Variants in ATP8A2 observed in about 807,000 individuals in gnomAD.
The protein encoded by ATP8A2 is ATPase phospholipid transporting 8A2, also known as phospholipid-transporting ATPase IB.
In ATP8A2, 100 loss-of-function variants were observed where a neutral mutation model predicts 165.6. The ratio of observed to expected loss-of-function variants is 0.60; its 90% CI spans 0.51 to 0.71. ATP8A2 has a LOEUF of 0.71. ATP8A2 is among the 30% of genes least tolerant of loss of function. ATP8A2 has a pLI of 0.00. For synonymous variants in ATP8A2, 543 were observed against 548.8 expected (o/e 0.99, Z 0.15); for missense variants, 1,227 against 1,479.5 (o/e 0.83, Z 2.80).
intron 3 of ATP8A2, among the ~76,000 whole-genome samples, 171 bp from the exon 4 acceptor site, chr13:25,530,391 T>A (rs890961181): frequency 9.9e-5 from 15 of 152,208 alleles, no homozygotes; most frequent in African/African-American, 2.9e-4. Context: ...ATAAAATTTT[T>A]AAAAATATGT....
At chr13:25,983,194 T>A (rs1341596747) in intron 35 of ATP8A2, among the ~76,000 whole-genome samples, 1 of 152,244 alleles carries the variant, frequency 6.6e-6, no homozygotes, top group Non-Finnish European at 1.5e-5. Context: ...TTCATGATAG[T>A]GTCCACAGAA....
intron 33 of ATP8A2, among the ~76,000 whole-genome samples, chr13:25,930,251 T>C (rs1954733025): frequency 6.6e-6 from 1 of 152,188 alleles, no homozygotes; most frequent in South Asian, 2.1e-4. Context: ...CTTCTCTCTT[T>C]CAAACCCTTT....
chr13:25,938,961 G>A (rs1954991252), intron 33 of ATP8A2, among the ~76,000 whole-genome samples: 1 of 151,842 alleles, frequency 6.6e-6, no homozygotes, highest in Non-Finnish European at 1.5e-5. Flanking sequence ...TCTTGCCTCA[G>A]CCTCCCTAGT....
intron 27 of ATP8A2, among the ~76,000 whole-genome samples, chr13:25,795,782 A>G (rs1189042718): frequency 2.0e-5 from 3 of 152,210 alleles, no homozygotes; most frequent in Non-Finnish European, 4.4e-5. Context: ...AAAATTAATT[A>G]AGAATACTCT....
At chr13:25,465,687 CTTT>C in intron 1 of ATP8A2, among the ~76,000 whole-genome samples, 1 of 14,606 alleles carries the variant, frequency 6.8e-5, no homozygotes, top group African/African-American at 1.8e-4. Flanking sequence ...TTCTTTCTTT[CTTT>C]CTTTCTTTCT....
intron 33 of ATP8A2, among the ~76,000 whole-genome samples, chr13:25,941,663 G>A (rs1482014355): frequency 6.6e-6 from 1 of 152,144 alleles, no homozygotes; most frequent in African/African-American, 2.4e-5. Context: ...CCTGGCAGCA[G>A]CACACACTGA....
At chr13:25,447,157 A>G (rs1210874120) in intron 1 of ATP8A2, among the ~76,000 whole-genome samples, 1 of 152,226 alleles carries the variant, frequency 6.6e-6, no homozygotes, top group Admixed American at 6.5e-5. Flanking sequence ...TTTCCTTCTC[A>G]GTAAAATAGC....
intron 1 of ATP8A2, among the ~76,000 whole-genome samples, chr13:25,392,016 G>A (rs958456485): frequency 1.3e-5 from 2 of 152,200 alleles, no homozygotes; most frequent in Admixed American, 6.5e-5. Context: ...CCAATTTGTC[G>A]CTGGGTCTGC....
chr13:25,451,007 T>C lies in ATP8A2; in HGVS notation c.77-17970T>C, dbSNP rs954120878. 5.3e-5 allele frequency among the ~76,000 whole-genome samples: 8 copies of C among 152,254 alleles called. 1 individual carries two copies. The highest frequency in any genetic ancestry group is 3.4e-3 in the Middle Eastern group (1 of 294). On this transcript the variant is annotated intron_variant, in intron 1 of 36. Transcript: ENST00000381655. ...TTATGGTTTTCAGCAAATTTGGAAA[T>C]ATTTTTCCACATTGCTTCTTCAGAT...
chr13:25,884,764 G>C (rs74039583), intron 33 of ATP8A2, among the ~76,000 whole-genome samples: 10,353 of 152,268 alleles, frequency 0.068, 889 homozygotes, highest in African/African-American at 0.19. Flanking sequence ...GAGAGCACCT[G>C]GGTGAACAGA....
intron 33 of ATP8A2, among the ~76,000 whole-genome samples, chr13:25,960,068 A>G (rs1955623568): frequency 1.3e-5 from 2 of 152,264 alleles, no homozygotes; most frequent in South Asian, 4.1e-4. Flanking sequence ...GCCAAGCACC[A>G]CCAACAGGGC....
At chr13:25,854,953 A>G (rs1952115381) in intron 30 of ATP8A2, among the ~76,000 whole-genome samples, 5 of 152,180 alleles carry the variant, frequency 3.3e-5, no homozygotes, top group Admixed American at 3.3e-4. Flanking sequence ...CCCTATATTC[A>G]TTAAGAATCA....
intron 33 of ATP8A2, among the ~76,000 whole-genome samples, chr13:25,921,332 T>C (rs1442786729): frequency 2.0e-5 from 3 of 151,856 alleles, no homozygotes; most frequent in Non-Finnish European, 4.4e-5. Context: ...AAAAACTGAG[T>C]TGAGGCCAGG....
rs377634945 is a variant in ATP8A2 at position 25,379,417 on chromosome 13, G to C, written c.76+7129G>C. On this transcript the variant is annotated intron_variant, in intron 1 of 36. Coordinates refer to ENST00000381655, the MANE Select transcript of ATP8A2 (RefSeq NM_016529.6). ...CCAGATATTTAGTTCAAAGACAGTT[G>C]CTTTTTTCACGGTCATGATATGTTA... 2.6e-5 allele frequency among the ~76,000 whole-genome samples: 4 copies of C among 152,290 alleles called. No individual in the cohort carries two copies. The South Asian group carries it at 8.3e-4, about 32-fold the overall frequency.
rs544798583 is a variant in ATP8A2, at chr13:25,810,532, A to C, written c.2680-17586A>C. ...TCTGTCTTTTTTTTTTAAGGAAAAAAAAAACAAAACACTACTCTATCTCCA... is the reference window on the plus strand; with the variant it reads ...TCTGTCTTTTTTTTTTAAGGAAAAACAAAACAAAACACTACTCTATCTCCA... On this transcript the variant is annotated intron_variant, in intron 27 of 36. Coordinates refer to ENST00000381655, the MANE Select transcript of ATP8A2 (RefSeq NM_016529.6). Among the ~76,000 whole-genome samples, 14 of 152,108 alleles carry C rather than the reference A, an allele frequency of 9.2e-5. 1 individual carries two copies. The South Asian group carries it at 2.1e-3, about 23-fold the overall frequency.
At chr13:25,604,948 G>A (rs980620907) in intron 24 of ATP8A2, among the ~76,000 whole-genome samples, 2 of 152,192 alleles carry the variant, frequency 1.3e-5, no homozygotes, top group African/African-American at 2.4e-5. Context: ...ATCTGTCAGG[G>A]AGCCTGACAA....
At chr13:25,731,628 C>T (rs1197695560) in intron 25 of ATP8A2, among the ~76,000 whole-genome samples, 1 of 152,066 alleles carries the variant, frequency 6.6e-6, no homozygotes, top group Non-Finnish European at 1.5e-5. Flanking sequence ...TAGGCCTCAC[C>T]CCATTGGTAA....
chr13:25,562,094 A>G (rs2039174336), intron 15 of ATP8A2, among the ~76,000 whole-genome samples: 1 of 152,164 alleles, frequency 6.6e-6, no homozygotes, highest in African/African-American at 2.4e-5. Flanking sequence ...ACATACAGGT[A>G]TCTGTTTCAG....
intron 2 of ATP8A2, among the ~76,000 whole-genome samples, chr13:25,498,820 T>C (rs527735008): frequency 2.0e-5 from 3 of 152,196 alleles, no homozygotes; most frequent in African/African-American, 7.2e-5. Flanking sequence ...AAGTGAGGCA[T>C]GGACTGATTA....
Sources: gnomAD v4.1 joint callset for allele counts (sites outside exome capture counted in the v4.1 genomes callset) on GRCh38, gnomAD v4.1.1 for gene constraint, MANE v1.5 for transcripts, NCBI Gene and HGNC (gene_info 2026-07-23, HGNC 2026-07-21) for gene names.